Variants in CTDSP2 observed in about 807,000 individuals in gnomAD.
CTDSP2 encodes the protein CTD small phosphatase 2, also known as carboxy-terminal domain RNA polymerase II polypeptide A small phosphatase 2.
A neutral mutation model predicts 31.6 loss-of-function variants in CTDSP2; 9 were observed. That is an observed-to-expected ratio of 0.28 (90% CI 0.17 to 0.50). The LOEUF (loss-of-function observed/expected upper bound fraction) is 0.50, where lower values mean the gene tolerates loss of function less well. CTDSP2 is among the 20% of genes least tolerant of loss of function. The pLI, the probability that CTDSP2 is intolerant of heterozygous loss-of-function variation, is 0.98. For synonymous variants in CTDSP2, 134 were observed against 134.5 expected (o/e 1.00, Z 0.03); for missense variants, 267 against 348.5 (o/e 0.77, Z 1.86).
intron 1 of CTDSP2, among the ~76,000 whole-genome samples, 184 bp downstream of exon 1, chr12:57,846,188 C>T (rs1290952588): frequency 6.6e-6 from 1 of 152,212 alleles, no homozygotes; most frequent in Non-Finnish European, 1.5e-5. Flanking sequence ...GCCGGGATCC[C>T]CGTGCAACCC....
chr12:57,824,526 G>T, intron 5 of CTDSP2: 1 of 666,776 alleles, frequency 1.5e-6, no homozygotes. Context: ...CAATGGATCA[G>T]TGGTCCCAAC....
At chr12:57,845,765 T>C (rs4760335) in intron 1 of CTDSP2, among the ~76,000 whole-genome samples, 51,325 of 151,796 alleles carry the variant, frequency 0.34, 9,580 homozygotes, top group East Asian at 0.74. Context: ...TCCCGGGGCC[T>C]GCGCTGAGCC....
intron 1 of CTDSP2, among the ~76,000 whole-genome samples, chr12:57,836,829 A>G (rs1353216842): frequency 1.3e-5 from 2 of 152,220 alleles, no homozygotes; most frequent in Non-Finnish European, 1.5e-5. Flanking sequence ...CCTGCGATTC[A>G]GCAGAAGGTA....
intron 2 of CTDSP2, among the ~76,000 whole-genome samples, chr12:57,828,382 T>C (rs866442489): frequency 9.9e-5 from 15 of 150,782 alleles, no homozygotes; most frequent in African/African-American, 3.2e-4. Context: ...TCGCACGCCA[T>C]TGCACTCCAG....
At chr12:57,836,376 T>C (rs780435635) in intron 1 of CTDSP2, among the ~76,000 whole-genome samples, 21 of 152,312 alleles carry the variant, frequency 1.4e-4, no homozygotes, top group Non-Finnish European at 2.6e-4. Flanking sequence ...CCCCTATGCA[T>C]GGGCCGGGGT....
chr12:57,829,383 G>A (rs969643538), intron 2 of CTDSP2, 65 bp downstream of exon 2: 47 of 1,564,436 alleles, frequency 3.0e-5, no homozygotes, highest in African/African-American at 2.6e-4. Context: ...GGTTGCCATC[G>A]TCTGCAGGGA....
intron 1 of CTDSP2, among the ~76,000 whole-genome samples, chr12:57,832,779 G>A (rs1338582289): frequency 9.4e-6 from 1 of 106,760 alleles, no homozygotes; most frequent in Non-Finnish European, 1.7e-5. Flanking sequence ...GCAACAGAGC[G>A]AGACTCTGGC....
chr12:57,845,279 G>A (rs1431997767), intron 1 of CTDSP2, among the ~76,000 whole-genome samples: 1 of 152,202 alleles, frequency 6.6e-6, no homozygotes, highest in African/African-American at 2.4e-5. Flanking sequence ...TACACCCCGC[G>A]GAAAATCTGC....
intron 2 of CTDSP2, among the ~76,000 whole-genome samples, chr12:57,829,157 G>C (rs1956200251): frequency 6.6e-6 from 1 of 152,220 alleles, no homozygotes; most frequent in East Asian, 1.9e-4. Flanking sequence ...CTGCTGGCTG[G>C]ATCACATGAG....
chr12:57,833,568 T>C (rs1956229517), intron 1 of CTDSP2, among the ~76,000 whole-genome samples: 1 of 152,232 alleles, frequency 6.6e-6, no homozygotes, highest in African/African-American at 2.4e-5. Context: ...CCAGCATGAC[T>C]GCCTCCCTGC....
intron 1 of CTDSP2, 127 bp from the exon 2 acceptor site, chr12:57,829,723 C>A (rs1045266932): frequency 1.4e-6 from 1 of 690,494 alleles, no homozygotes. Context: ...GGCTGGTGAA[C>A]AACCACATAC....
intron 6 of CTDSP2, 33 bp from the exon 7 acceptor site, chr12:57,824,122 C>T (rs766226008): frequency 7.4e-6 from 12 of 1,612,886 alleles, no homozygotes; most frequent in South Asian, 1.1e-5. Flanking sequence ...AGTTTGGATA[C>T]ACTCCTGGTC....
At chr12:57,840,270 T>C (rs1466145775) in intron 1 of CTDSP2, among the ~76,000 whole-genome samples, 1 of 152,206 alleles carries the variant, frequency 6.6e-6, no homozygotes, top group African/African-American at 2.4e-5. Flanking sequence ...CTGATGTGTG[T>C]CCCTGGCTGA....
chr12:57,829,375 T>C (rs1341549530), intron 2 of CTDSP2, 73 bp downstream of exon 2: 18 of 1,541,302 alleles, frequency 1.2e-5, no homozygotes, highest in Admixed American at 3.5e-5. Flanking sequence ...CCTTGTCCGG[T>C]TGCCATCGTC....
At chr12:57,836,591 G>A (rs1023402444) in intron 1 of CTDSP2, among the ~76,000 whole-genome samples, 3 of 152,142 alleles carry the variant, frequency 2.0e-5, no homozygotes, top group Non-Finnish European at 2.9e-5. Flanking sequence ...GCGGTAAGCC[G>A]TGATTGCACC....
rs145652993 is a variant in CTDSP2, at chr12:57,843,489, C to T, written c.64+2883G>A. ...ACTGTAATTACTTTTGAATCATCAA[C>T]GCACCCAGACAGCCTTAAACCTCAG... On this transcript the variant is annotated intron_variant, in intron 1 of 7. Transcript: ENST00000398073. Among the ~76,000 whole-genome samples, 1,010 of 151,790 alleles carry T rather than the reference C, an allele frequency of 6.7e-3. 6 individuals carry two copies. Among genetic ancestry groups the T allele is most frequent in the Non-Finnish European group, 0.012 (785 of 67,976 alleles).
chr12:57,824,333 G>C lies in CTDSP2; in HGVS notation c.412-14C>G. The C allele has an allele frequency of 1.2e-6, 2 of 1,603,398 alleles. No homozygotes were observed. Among genetic ancestry groups the C allele is most frequent in the South Asian group, 1.1e-5 (1 of 90,796 alleles). The stretch of plus-strand genomic sequence containing the variant: ...GAGCACATACACCTGAGGAAGAGCA[G>C]AGCAGCCTGTTGGAGGCATCCCTGT... On this transcript the variant is annotated splice_polypyrimidine_tract_variant and intron_variant, in intron 5 of 7. Transcript: ENST00000398073.
chr12:57,829,767 C>T (rs1254695001), intron 1 of CTDSP2, among the ~76,000 whole-genome samples, 171 bp from the exon 2 acceptor site: 2 of 152,162 alleles, frequency 1.3e-5, no homozygotes, highest in East Asian at 1.9e-4. Flanking sequence ...TTATTCCAGC[C>T]TTTTCTCTTT....
intron 1 of CTDSP2, among the ~76,000 whole-genome samples, chr12:57,833,929 A>G (rs1484726907): frequency 6.6e-6 from 1 of 152,180 alleles, no homozygotes; most frequent in Middle Eastern, 3.2e-3. Flanking sequence ...CCTTACTATT[A>G]ACACTTTGGT....
Sources: allele counts gnomAD v4.1 joint callset (sites outside exome capture counted in the v4.1 genomes callset), GRCh38; gene constraint gnomAD v4.1.1; transcripts MANE v1.5; gene names NCBI Gene and HGNC (gene_info 2026-07-23, HGNC 2026-07-21).